Variants in WFDC8 observed in about 807,000 individuals in gnomAD.
WFDC8 encodes the protein WAP four-disulfide core domain protein 8.
Under a neutral mutation model 27.0 loss-of-function variants are expected in WFDC8, and 24 were observed. That is an observed-to-expected ratio of 0.89 (90% CI 0.64 to 1.25). The LOEUF (loss-of-function observed/expected upper bound fraction) is 1.25, where lower values mean the gene tolerates loss of function less well. Ranked by LOEUF, WFDC8 falls within the 50% of genes most tolerant of loss-of-function variation. WFDC8 has a pLI of 0.00. For missense variants in WFDC8, 287 were observed against 295.9 expected, an observed-to-expected ratio of 0.97 and a Z score of 0.22; for synonymous variants, 106 against 99.7, an observed-to-expected ratio of 1.06 and a Z score of -0.38.
intron 1 of WFDC8, among the ~76,000 whole-genome samples, chr20:45,576,224 C>G (rs1981041506): frequency 6.6e-6 from 1 of 151,222 alleles, no homozygotes; most frequent in Non-Finnish European, 1.5e-5. Context: ...GTGTCAAGGG[C>G]CCTCAATACA....
chr20:45,558,518 A>G (rs181627366), intron 3 of WFDC8, among the ~76,000 whole-genome samples: 4 of 152,356 alleles, frequency 2.6e-5, no homozygotes, highest in African/African-American at 7.2e-5. Flanking sequence ...TTGAAGATCA[A>G]AGAGTCTGAA....
intron 3 of WFDC8, among the ~76,000 whole-genome samples, chr20:45,556,265 TATATC>T (rs1450044064): frequency 1.3e-5 from 2 of 152,370 alleles, no homozygotes; most frequent in South Asian, 4.1e-4. Flanking sequence ...TAAATGTGGT[TATATC>T]ATATATCATT....
In WFDC8 at chr20:45,553,295, T is replaced by C. The variant is rs756552035; in HGVS notation, c.446-19A>G. 1.1e-5 allele frequency: 17 copies of C among 1,606,660 alleles called. No homozygotes were observed. The highest frequency in any genetic ancestry group is 1.2e-5 in the Non-Finnish European group (14 of 1,176,278). On this transcript the variant is annotated intron_variant, in intron 4 of 5. Transcript: ENST00000289953. ...TCCTTAACTAAAATAAGAGCAGATG[T>C]GAGCTTCTTAAAACCCCACCCCCAT...
At chr20:45,570,757 T>C (rs143082828) in intron 1 of WFDC8, among the ~76,000 whole-genome samples, 56 of 152,352 alleles carry the variant, frequency 3.7e-4, no homozygotes, top group African/African-American at 1.3e-3. Context: ...CAGTACCATT[T>C]TGCATTTTCA....
chr20:45,576,128 C>T (rs1174665839), intron 1 of WFDC8, among the ~76,000 whole-genome samples: 1 of 151,326 alleles, frequency 6.6e-6, no homozygotes, highest in Non-Finnish European at 1.5e-5. Flanking sequence ...CAGAACACTC[C>T]GTACATATCT....
intron 3 of WFDC8, among the ~76,000 whole-genome samples, chr20:45,556,131 C>T (rs1980237168): frequency 6.6e-6 from 1 of 152,224 alleles, no homozygotes; most frequent in Non-Finnish European, 1.5e-5. Flanking sequence ...GCTGATCTTT[C>T]TTCTCCACTG....
chr20:45,562,036 A>G (rs1325016950), intron 2 of WFDC8, 74 bp downstream of exon 2: 3 of 1,383,818 alleles, frequency 2.2e-6, no homozygotes, highest in African/African-American at 1.4e-5. Flanking sequence ...TGACACTGGC[A>G]CTGGCCTCAT....
rs182679969 is a variant in WFDC8, at chr20:45,559,409, T to C, written c.137-417A>G. ...GAGGGCTGATTTGACCCTTGACTCC[T>C]GGTAAACTCAAGACCAATCTGAACT... On this transcript the variant is annotated intron_variant, in intron 2 of 5. Transcript: ENST00000289953. Among the ~76,000 whole-genome samples the C allele has an allele frequency of 1.4e-4, 22 of 152,352 alleles. No individual in the cohort carries two copies. In the East Asian group the frequency reaches 3.9e-3, roughly 27 times the overall value.
chr20:45,555,778 A>C lies in WFDC8; in HGVS notation c.368T>G (p.Phe123Cys). 1 of 1,613,698 alleles carries C rather than the reference A, an allele frequency of 6.2e-7. No individual in the cohort carries two copies. Among genetic ancestry groups the C allele is most frequent in the South Asian group, 1.1e-5 (1 of 91,048 alleles). The part of the protein sequence containing the change: ...FDFKNYRCTP[F>C]KYRGCEGNAN... ...ATTCCCTTCGCAGCCCCTGTATTTG[A>C]AGGGTGTGCAGCGGTAATTTTTAAA... Residue 123 changes from phenylalanine to cysteine, a missense_variant, in exon 4 of 6, where the codon TTC (phenylalanine) becomes TGC (cysteine). Coordinates refer to ENST00000289953, the MANE Select transcript of WFDC8 (RefSeq NM_130896.3).
At chr20:45,573,422 A>G (rs1281824961) in intron 1 of WFDC8, among the ~76,000 whole-genome samples, 1 of 152,142 alleles carries the variant, frequency 6.6e-6, no homozygotes, top group Admixed American at 6.6e-5. Context: ...CATTGTACCC[A>G]ATATGTAGTT....
At chr20:45,568,639 C>T (rs940827830) in intron 1 of WFDC8, 3 of 535,468 alleles carry the variant, frequency 5.6e-6, no homozygotes, top group Admixed American at 1.9e-5. Context: ...TCTAGCCTTC[C>T]AGAAAGTGTA....
At chr20:45,557,619 G>C (rs952747585) in intron 3 of WFDC8, among the ~76,000 whole-genome samples, 1 of 152,096 alleles carries the variant, frequency 6.6e-6, no homozygotes, top group Admixed American at 6.6e-5. Flanking sequence ...TTTTAGTAGA[G>C]ACAAGGTTTC....
chr20:45,572,440 T>A (rs776301398), intron 1 of WFDC8, among the ~76,000 whole-genome samples: 5 of 149,158 alleles, frequency 3.4e-5, no homozygotes, highest in Non-Finnish European at 7.5e-5. Context: ...CTCCACATCC[T>A]CATCAACACT....
At chr20:45,573,810 C>G (rs1168090948) in intron 1 of WFDC8, among the ~76,000 whole-genome samples, 1 of 152,136 alleles carries the variant, frequency 6.6e-6, no homozygotes, top group African/African-American at 2.4e-5. Flanking sequence ...GCACCTTTAT[C>G]AAAAATCAGT....
intron 1 of WFDC8, among the ~76,000 whole-genome samples, chr20:45,565,065 GGAGGGA>G (rs1980627699): frequency 7.6e-6 from 1 of 131,580 alleles, no homozygotes; most frequent in Non-Finnish European, 1.7e-5. Context: ...GAAGAGAGAG[GGAGGGA>G]AAGGAAGAAA....
intron 1 of WFDC8, 124 bp downstream of exon 1, chr20:45,579,098 C>T (rs1411459945): frequency 2.2e-6 from 2 of 889,392 alleles, no homozygotes; most frequent in African/African-American, 3.3e-5. Flanking sequence ...CTGTGGAACC[C>T]CTCCTCACTA....
chr20:45,557,064 GTCAACAGAAAGGGCCAATTGA>G (rs1980286102), intron 3 of WFDC8, among the ~76,000 whole-genome samples: 4 of 152,270 alleles, frequency 2.6e-5, no homozygotes, highest in East Asian at 3.9e-4. Flanking sequence ...GCCAGCATTC[GTCAACAGAAAGGGCCAATTGA>G]TCAACAGAAA....
At chr20:45,570,876 G>T (rs1980843868) in intron 1 of WFDC8, among the ~76,000 whole-genome samples, 1 of 152,152 alleles carries the variant, frequency 6.6e-6, no homozygotes, top group African/African-American at 2.4e-5. Context: ...ATGTGCAGTG[G>T]TAAGACTGCA....
intron 1 of WFDC8, chr20:45,568,302 C>T (rs977691578): frequency 3.4e-5 from 8 of 234,022 alleles, no homozygotes; most frequent in African/African-American, 1.8e-4. Flanking sequence ...GGCCTTGGAG[C>T]TTTCAATACT....
Sources: gnomAD v4.1 joint callset for allele counts (sites outside exome capture counted in the v4.1 genomes callset) on GRCh38, gnomAD v4.1.1 for gene constraint, MANE v1.5 for transcripts, NCBI Gene and HGNC (gene_info 2026-07-23, HGNC 2026-07-21) for gene names.